Variants in KIAA1549L observed in about 807,000 individuals in gnomAD.
KIAA1549L encodes UPF0606 protein KIAA1549L.
In KIAA1549L, 88 loss-of-function variants were observed where a neutral mutation model predicts 160.7. The ratio of observed to expected loss-of-function variants is 0.55; its 90% CI spans 0.46 to 0.65. The LOEUF (loss-of-function observed/expected upper bound fraction) is 0.65. KIAA1549L is among the 30% of genes least tolerant of loss of function. The pLI is 0.00. For synonymous variants in KIAA1549L, 950 were observed against 976.7 expected, an observed-to-expected ratio of 0.97 and a Z score of 0.51; for missense variants, 2,258 against 2,437.5, an observed-to-expected ratio of 0.93 and a Z score of 1.55.
At chr11:33,561,495 G>A (rs1012802829) in intron 7 of KIAA1549L, among the ~76,000 whole-genome samples, 181 bp from the exon 8 acceptor site, 6 of 152,136 alleles carry the variant, frequency 3.9e-5, no homozygotes, top group Non-Finnish European at 5.9e-5. Context: ...TAAGCCAGGT[G>A]CCATAATGCA....
At chr11:33,430,057 TCTC>T (rs1242771993) in intron 1 of KIAA1549L, among the ~76,000 whole-genome samples, 95 of 103,952 alleles carry the variant, frequency 9.1e-4, no homozygotes, top group Middle Eastern at 5.1e-3. Context: ...CTCCCTTCCC[TCTC>T]TCCTCCGTTC....
At chr11:33,534,793 T>G (rs1388095049) in intron 1 of KIAA1549L, among the ~76,000 whole-genome samples, 1 of 152,222 alleles carries the variant, frequency 6.6e-6, no homozygotes, top group East Asian at 1.9e-4. Flanking sequence ...GCTTTTTGAC[T>G]GTCTTGATGG....
Position 33,575,591 on chromosome 11 carries a change from G to A in KIAA1549L, c.4402+718G>A, listed in dbSNP as rs959000. Among the ~76,000 whole-genome samples the A allele has an allele frequency of 6.4e-3, 980 of 152,290 alleles. 13 individuals are homozygous for A. Among genetic ancestry groups the A allele is most frequent in the Middle Eastern group, 0.024 (7 of 294 alleles). Reference sequence around the variant, plus strand: ...ATGAAATAACCTGCTCGGCATCACAGAACAAGTGCTTAGGTGGCCCGGATA... The same window carrying A: ...ATGAAATAACCTGCTCGGCATCACAAAACAAGTGCTTAGGTGGCCCGGATA... On this transcript the variant is annotated intron_variant, in intron 10 of 20. Transcript: ENST00000658780.
rs942909974 is a variant in KIAA1549L, at chr11:33,673,883, A to C, written c.*5729A>C. On this transcript the variant is annotated 3_prime_UTR_variant, in exon 21 of 21. Coordinates refer to ENST00000658780, the MANE Select transcript of KIAA1549L (RefSeq NM_012194.3). Reference sequence around the variant, plus strand: ...ATGTAAGTACTTGTACATGTGCTTTAACTCTGGGTGAAAAACCCCAACCGG... The same window carrying C: ...ATGTAAGTACTTGTACATGTGCTTTCACTCTGGGTGAAAAACCCCAACCGG... The C allele has an allele frequency of 1.3e-5, 2 of 152,210 alleles. No individual in the cohort carries two copies. The highest frequency in any genetic ancestry group is 2.9e-5 in the Non-Finnish European group (2 of 68,034). 9.4% of individuals were successfully genotyped at this position (152,210 alleles called of 1,614,324 possible).
intron 20 of KIAA1549L, among the ~76,000 whole-genome samples, chr11:33,664,279 C>T (rs1353991166): frequency 6.6e-6 from 1 of 152,200 alleles, no homozygotes; most frequent in Admixed American, 6.5e-5. Context: ...CTCCCTACCT[C>T]CAGTGGGTCC....
chr11:33,501,703 G>A (rs1479448784), intron 1 of KIAA1549L, among the ~76,000 whole-genome samples: 1 of 151,244 alleles, frequency 6.6e-6, no homozygotes, highest in African/African-American at 2.4e-5. Flanking sequence ...TAGTGTAGAT[G>A]GTTAATAATA....
At chr11:33,434,339 CT>C (rs1383949802) in intron 1 of KIAA1549L, among the ~76,000 whole-genome samples, 1 of 152,158 alleles carries the variant, frequency 6.6e-6, no homozygotes, top group African/African-American at 2.4e-5. Context: ...TTTGCTCCTC[CT>C]TTGCCTTCCA....
rs781144136 is a variant in KIAA1549L, at chr11:33,668,095, C to A, written c.6382C>A (p.Arg2128=). The A allele has an allele frequency of 3.7e-6, 6 of 1,613,972 alleles. No homozygotes were observed. The highest frequency in any genetic ancestry group is 5.1e-6 in the Non-Finnish European group (6 of 1,179,876). ...CACTGCGGCCCTTGTGAAGGCCATC[C>A]GGGAGGAGGTGGCCAAGCTGGCCAA... ...ISTAALVKAI[R]EEVAKLAKKQ... Residue 2128 remains arginine (R), a synonymous_variant, in exon 21 of 21, where the codon CGG becomes AGG. Transcript: ENST00000658780.
At chr11:33,618,106 A>G (rs78004245) in intron 15 of KIAA1549L, among the ~76,000 whole-genome samples, 5,013 of 152,328 alleles carry the variant, frequency 0.033, 277 homozygotes, top group African/African-American at 0.11. Context: ...TTATTAACAC[A>G]TCATAGAATC....
chr11:33,625,927 G>A (rs1375813456), intron 16 of KIAA1549L, among the ~76,000 whole-genome samples: 10 of 149,032 alleles, frequency 6.7e-5, no homozygotes, highest in African/African-American at 2.2e-4. Flanking sequence ...ATCTTGAATT[G>A]ATTTTTGTAT....
intron 1 of KIAA1549L, among the ~76,000 whole-genome samples, chr11:33,428,512 C>T (rs1431632702): frequency 6.6e-6 from 1 of 151,710 alleles, no homozygotes; most frequent in Non-Finnish European, 1.5e-5. Context: ...CAAGTGTTCT[C>T]ACTGTTCAGT....
intron 10 of KIAA1549L, among the ~76,000 whole-genome samples, chr11:33,578,821 C>T (rs1376738308): frequency 1.3e-5 from 2 of 152,200 alleles, no homozygotes; most frequent in East Asian, 3.8e-4. Context: ...CCCTTGGTTC[C>T]AGGAGCTCCC....
chr11:33,598,374 GTCA>G (rs1850263390), intron 12 of KIAA1549L, among the ~76,000 whole-genome samples: 7 of 152,276 alleles, frequency 4.6e-5, no homozygotes, highest in Admixed American at 6.5e-5. Context: ...ATGTTTTGTA[GTCA>G]AAGTCTATGT....
At chr11:33,382,916 GA>G (rs893105646) in intron 1 of KIAA1549L, among the ~76,000 whole-genome samples, 1 of 151,448 alleles carries the variant, frequency 6.6e-6, no homozygotes, top group Non-Finnish European at 1.5e-5. Flanking sequence ...GGAGAAGGGG[GA>G]CAAGCAAGAG....
chr11:33,524,763 A>G (rs532246480), intron 1 of KIAA1549L, among the ~76,000 whole-genome samples: 44 of 152,320 alleles, frequency 2.9e-4, no homozygotes, highest in African/African-American at 1.0e-3. Context: ...AGTTAGAGTT[A>G]GATTTGTGAT....
intron 1 of KIAA1549L, among the ~76,000 whole-genome samples, chr11:33,406,129 C>G (rs1331407453): frequency 6.6e-6 from 1 of 152,190 alleles, no homozygotes; most frequent in Non-Finnish European, 1.5e-5. Context: ...CCCTTTTTTA[C>G]TCTAGTAACA....
chr11:33,645,860 G>T lies in KIAA1549L; in HGVS notation c.5584G>T (p.Ala1862Ser). The T allele has an allele frequency of 6.2e-7, 1 of 1,613,910 alleles. No homozygotes were observed. The highest frequency in any genetic ancestry group is 1.1e-5 in the South Asian group (1 of 91,084). ...HMLLEEAFSL[A>S]SAGHAGQSRH... ...GCTGCTGGAGGAGGCCTTCAGCCTG[G>T]CATCCGCGGGCCACGCAGGCCAGAG... The change falls in exon 17 of 21, where the codon GCA becomes TCA. Residue 1862 changes from alanine to serine, a missense_variant. Around this residue, in one of 6 missense-constraint regions of KIAA1549L, gnomAD observed 1,359 missense variants for 1,546.6 expected, o/e 0.88. Coordinates refer to ENST00000658780, the MANE Select transcript of KIAA1549L (RefSeq NM_012194.3).
At chr11:33,629,332 C>T (rs1054869445) in intron 16 of KIAA1549L, among the ~76,000 whole-genome samples, 17 of 152,072 alleles carry the variant, frequency 1.1e-4, no homozygotes, top group Non-Finnish European at 2.2e-4. Flanking sequence ...TGAATGTTGG[C>T]CTGCCTTGCT....
chr11:33,498,168 A>C (rs752977371), intron 1 of KIAA1549L, among the ~76,000 whole-genome samples: 1 of 152,220 alleles, frequency 6.6e-6, no homozygotes, highest in African/African-American at 2.4e-5. Flanking sequence ...GGTGGCATGC[A>C]CCTGTGGTCC....
Sources: gnomAD v4.1 joint callset for allele counts (sites outside exome capture counted in the v4.1 genomes callset) on GRCh38, gnomAD v4.1.1 for gene constraint, gnomAD v4.1.1 regional missense constraint, MANE v1.5 for transcripts, NCBI Gene and HGNC (gene_info 2026-07-23, HGNC 2026-07-21) for gene names.